RASGRP2: variants seen among roughly 807,000 people sequenced by gnomAD.
RASGRP2 encodes the protein RAS guanyl releasing protein 2, also known as RAS guanyl-releasing protein 2.
In RASGRP2, 44 loss-of-function variants were observed where a neutral mutation model predicts 71.0. The ratio of observed to expected loss-of-function variants is 0.62; its 90% CI spans 0.49 to 0.80. RASGRP2 has a LOEUF of 0.80. Ranked by LOEUF, RASGRP2 falls within the 30% of genes least tolerant of loss-of-function variation. The probability of loss-of-function intolerance (pLI) is 0.00; values close to 1 mark genes in which losing one functional copy is unlikely to be tolerated. For synonymous variants in RASGRP2, 350 were observed against 330.7 expected, an observed-to-expected ratio of 1.06 and a Z score of -0.63; for missense variants, 663 against 813.4, an observed-to-expected ratio of 0.82 and a Z score of 2.25.
At position 64,735,716 on chromosome 11, in the gene RASGRP2, G is replaced by A. The variant is rs111472934; in HGVS notation, c.1174-52C>T. ...GGGCCAGAGGCAGGGGAAGCCCAGAGCCCCGGGGAACAGAGAGGGGAATCC... is the reference window on the plus strand; with the variant it reads ...GGGCCAGAGGCAGGGGAAGCCCAGAACCCCGGGGAACAGAGAGGGGAATCC... On this transcript the variant is annotated intron_variant, in intron 10 of 16. Transcript: ENST00000394432. The surrounding 1 kb of genome is among the most constrained non-coding windows in gnomAD (Gnocchi z 4.2). 74 of 1,576,116 alleles carry A rather than the reference G, an allele frequency of 4.7e-5. 1 individual carries two copies. In the Middle Eastern group the frequency reaches 1.1e-3, roughly 23 times the overall value.
chr11:64,735,504 C>T lies in RASGRP2; in HGVS notation c.1296+38G>A, dbSNP rs750492105. ...CAGGGCAGTGCTCCGGCAAACTGGC[C>T]TCTCCCCACACACTGCTCAGGCTCC... On this transcript the variant is annotated intron_variant, in intron 11 of 16. Transcript: ENST00000394432. The surrounding 1 kb of genome is among the most constrained non-coding windows in gnomAD (Gnocchi z 4.2). The T allele has an allele frequency of 1.9e-6, 3 of 1,613,214 alleles. No homozygotes were observed. Among genetic ancestry groups the T allele is most frequent in the South Asian group, 1.1e-5 (1 of 91,050 alleles).
intron 12 of RASGRP2, among the ~76,000 whole-genome samples, chr11:64,732,728 C>A (rs1388072334): frequency 1.3e-5 from 2 of 151,880 alleles, no homozygotes; most frequent in African/African-American, 2.4e-5. Context: ...TTGCAGTGAG[C>A]CGAGATCGCG....
At chr11:64,729,170 C>T (rs987868594) in intron 14 of RASGRP2, 128 bp from the exon 15 acceptor site, 6 of 941,776 alleles carry the variant, frequency 6.4e-6, no homozygotes, top group Admixed American at 6.0e-5. Flanking sequence ...AAATAAGAGT[C>T]TCCTTCCAAA....
rs1478455947 is a variant in RASGRP2 at position 64,741,154 on chromosome 11, A to C, written c.240-75T>G. On this transcript the variant is annotated intron_variant, in intron 4 of 16. Transcript: ENST00000394432. ...AGCAGGCTGCAAGGAGCTATTTGAG[A>C]TTATAGTCACCTAAGCAAAAAGACC... is the stretch of plus-strand genomic sequence containing the variant. 5.1e-6 allele frequency: 8 copies of C among 1,560,344 alleles called. No individual in the cohort carries two copies. The African/African-American group carries it at 9.5e-5, about 19-fold the overall frequency.
At chr11:64,727,191 A>T in intron 16 of RASGRP2, 60 bp from the exon 17 acceptor site, 1 of 967,702 alleles carries the variant, frequency 1.0e-6, no homozygotes, top group Non-Finnish European at 1.6e-6. Flanking sequence ...GTAGTAGCCC[A>T]CCTGGCTTGG....
At position 64,739,771 on chromosome 11, in the gene RASGRP2, A is replaced by G. The variant is rs755823841; in HGVS notation, c.561T>C (p.Thr187=). The G allele has an allele frequency of 8.1e-6, 13 of 1,613,932 alleles. No individual in the cohort carries two copies. The highest frequency in any genetic ancestry group is 1.1e-5 in the South Asian group (1 of 91,084). The change falls in exon 7 of 17, where the codon ACT becomes ACC. Residue 187 remains threonine, a synonymous_variant. Transcript: ENST00000394432. The surrounding 1 kb of genome is among the most constrained non-coding windows in gnomAD (Gnocchi z 4.2). ...DYHSFVTHGC[T]VDNPVLERFI... ...ACCGCTCCAGGACGGGGTTGTCCAC[A>G]GTGCAGCCATGAGTCACGAAACTGT...
chr11:64,738,009 A>C (rs1198101906), intron 8 of RASGRP2, among the ~76,000 whole-genome samples: 1 of 152,118 alleles, frequency 6.6e-6, no homozygotes, highest in African/African-American at 2.4e-5. Context: ...TCGCCACCGC[A>C]CTCCAGCCTG....
At chr11:64,740,864 C>T (rs1004413899) in intron 5 of RASGRP2, 84 bp downstream of exon 5, 25 of 1,550,798 alleles carry the variant, frequency 1.6e-5, no homozygotes, top group Middle Eastern at 1.7e-4. Context: ...GACCCTCACT[C>T]ATTCAGTTCA....
At chr11:64,734,129 T>C (rs1447724043) in intron 12 of RASGRP2, among the ~76,000 whole-genome samples, 1 of 151,820 alleles carries the variant, frequency 6.6e-6, no homozygotes, top group Non-Finnish European at 1.5e-5. Context: ...CTGGCCAACA[T>C]GGTAAAACCC....
At chr11:64,730,555 A>G (rs1249078274) in intron 12 of RASGRP2, among the ~76,000 whole-genome samples, 1 of 152,166 alleles carries the variant, frequency 6.6e-6, no homozygotes, top group Non-Finnish European at 1.5e-5. Context: ...AGCAGGGAGA[A>G]CTCTCTAATG....
In RASGRP2 at chr11:64,741,076, G is replaced by A. The variant is rs764301648; in HGVS notation, c.243C>T (p.Tyr81=). ...LQVKTCHLVR[Y]WISAFPAEFD... ...ACTCCGCTGGGAAGGCGGAGATCCA[G>A]TACCTGGAGGAGCGGGGAGTCACCC... The change falls in exon 5 of 17, where the codon TAC becomes TAT. Residue 81 remains tyrosine, a synonymous_variant. Coordinates refer to ENST00000394432, the MANE Select transcript of RASGRP2 (RefSeq NM_001098671.2). 1.1e-5 allele frequency: 18 copies of A among 1,612,534 alleles called. No individual in the cohort carries two copies. The highest frequency in any genetic ancestry group is 8.5e-6 in the Non-Finnish European group (10 of 1,179,976).
At chr11:64,738,027 G>C (rs2058003954) in intron 8 of RASGRP2, among the ~76,000 whole-genome samples, 1 of 152,146 alleles carries the variant, frequency 6.6e-6, no homozygotes. Flanking sequence ...CTGGATGACA[G>C]AGACAGACTC....
intron 15 of RASGRP2, 145 bp from the exon 16 acceptor site, chr11:64,727,505 A>AT: frequency 2.2e-6 from 1 of 458,826 alleles, no homozygotes; most frequent in Non-Finnish European, 3.7e-6. Context: ...CTCACAGCCC[A>AT]ATTTTTTTTT....
chr11:64,737,159 A>C, intron 8 of RASGRP2, 125 bp from the exon 9 acceptor site: 1 of 1,127,754 alleles, frequency 8.9e-7, no homozygotes, highest in African/African-American at 1.5e-5. Context: ...AACCTCCCTT[A>C]CTGTCCCCCA....
intron 3 of RASGRP2, 76 bp from the exon 4 acceptor site, chr11:64,741,577 T>C: frequency 7.6e-7 from 1 of 1,312,222 alleles, no homozygotes; most frequent in South Asian, 1.3e-5. Flanking sequence ...GGGCGGGGCC[T>C]GGTTCTAGGA....
intron 12 of RASGRP2, among the ~76,000 whole-genome samples, chr11:64,732,994 C>T (rs1056818563): frequency 6.7e-6 from 1 of 149,484 alleles, no homozygotes; most frequent in African/African-American, 2.5e-5. Context: ...GTCTGGTGGC[C>T]AGTGCCTGTA....
upstream of RASGRP2, chr11:64,744,425 C>T: frequency 2.0e-6 from 1 of 494,828 alleles, no homozygotes; most frequent in Non-Finnish European, 2.6e-6. Context: ...CCTGGCTCTA[C>T]CGCTTCCTCG....
Position 64,735,353 on chromosome 11 carries a change from C to T in RASGRP2, c.1297-126G>A. 7.8e-7 allele frequency: 1 copy of T among 1,278,060 alleles called. No homozygotes were observed. Among genetic ancestry groups the T allele is most frequent in the Admixed American group, 1.8e-5 (1 of 56,216 alleles). The allele number at this position is 1,278,060 out of a possible 1,614,324, so 79.2% of individuals were successfully genotyped here. On this transcript the variant is annotated intron_variant, in intron 11 of 16. Coordinates refer to ENST00000394432, the MANE Select transcript of RASGRP2 (RefSeq NM_001098671.2). The surrounding 1 kb of genome is among the most constrained non-coding windows in gnomAD (Gnocchi z 4.2). ...GTCTCAGAGAGGTCTCTGACACCAC[C>T]CCCGTTCCATACCTCCACCCCCACC...
At chr11:64,741,523 G>C (rs1265454637) in intron 3 of RASGRP2, 22 bp from the exon 4 acceptor site, 1 of 1,552,096 alleles carries the variant, frequency 6.4e-7, no homozygotes, top group Non-Finnish European at 8.8e-7. Context: ...GGTTAAGGAG[G>C]CCGCTTAACT....
Sources: gnomAD v4.1 joint callset for allele counts (sites outside exome capture counted in the v4.1 genomes callset) on GRCh38, gnomAD v4.1.1 for gene constraint, Gnocchi (gnomAD v3.1) non-coding constraint, MANE v1.5 for transcripts, NCBI Gene and HGNC (gene_info 2026-07-23, HGNC 2026-07-21) for gene names.